CPVL: variants seen among roughly 807,000 people sequenced by gnomAD.
CPVL encodes the protein carboxypeptidase vitellogenic like.
In CPVL, 51 loss-of-function variants were observed where a neutral mutation model predicts 63.7. The observed-to-expected ratio is 0.80, with a 90% CI of 0.64 to 1.01. The LOEUF (loss-of-function observed/expected upper bound fraction) is 1.01. CPVL is among the 50% of genes least tolerant of loss of function. CPVL has a pLI of 0.00. For synonymous variants in CPVL, 195 were observed against 206.0 expected, an observed-to-expected ratio of 0.95 and a Z score of 0.46; for missense variants, 530 against 573.1, an observed-to-expected ratio of 0.92 and a Z score of 0.77.
At chr7:29,022,483 A>C (rs1787099428) in intron 12 of CPVL, among the ~76,000 whole-genome samples, 1 of 152,002 alleles carries the variant, frequency 6.6e-6, no homozygotes, top group Admixed American at 6.5e-5. Context: ...CGCATCACCC[A>C]CATATGCCAT....
intron 12 of CPVL, among the ~76,000 whole-genome samples, chr7:29,016,270 G>A (rs1786401096): frequency 6.6e-6 from 1 of 151,632 alleles, no homozygotes; most frequent in Admixed American, 6.6e-5. Flanking sequence ...AGAATCGCTT[G>A]AACCCAGGAG....
intron 6 of CPVL, among the ~76,000 whole-genome samples, chr7:29,089,587 T>C (rs1785561757): frequency 1.3e-5 from 2 of 152,150 alleles, no homozygotes; most frequent in African/African-American, 4.8e-5. Context: ...GTGGGCCATG[T>C]CAGTTTACCA....
intron 6 of CPVL, among the ~76,000 whole-genome samples, chr7:29,088,122 C>T (rs1391820005): frequency 6.6e-6 from 1 of 152,154 alleles, no homozygotes; most frequent in East Asian, 1.9e-4. Context: ...AGCTTATTTC[C>T]TTGTAGTATT....
chr7:29,164,078 A>G (rs183400695), intron 5 of CPVL, among the ~76,000 whole-genome samples: 1 of 152,330 alleles, frequency 6.6e-6, no homozygotes, highest in Non-Finnish European at 1.5e-5. Context: ...TTCAAGCTAT[A>G]AAATTGTTCT....
intron 11 of CPVL, among the ~76,000 whole-genome samples, chr7:29,039,994 G>GGA (rs1788914905): frequency 6.6e-6 from 1 of 152,062 alleles, no homozygotes; most frequent in Non-Finnish European, 1.5e-5. Context: ...TTGAACAGCA[G>GGA]CCTAAGCTAT....
intron 7 of CPVL, among the ~76,000 whole-genome samples, chr7:29,077,837 C>T (rs977611744): frequency 1.3e-5 from 2 of 152,138 alleles, no homozygotes; most frequent in African/African-American, 4.8e-5. Context: ...AGGAAAGCCA[C>T]AAAACCTGGT....
intron 5 of CPVL, among the ~76,000 whole-genome samples, chr7:29,179,601 T>C (rs1184162732): frequency 6.6e-6 from 1 of 152,258 alleles, no homozygotes; most frequent in African/African-American, 2.4e-5. Context: ...ATTATTTTGC[T>C]ATATATCCTT....
intron 7 of CPVL, among the ~76,000 whole-genome samples, chr7:29,073,036 C>A (rs1336856986): frequency 1.3e-5 from 2 of 152,208 alleles, no homozygotes; most frequent in African/African-American, 4.8e-5. Context: ...GGAAGAGCTA[C>A]TATTGACTCA....
chr7:29,133,129 G>T (rs1790861266), intron 1 of CPVL, among the ~76,000 whole-genome samples: 1 of 150,716 alleles, frequency 6.6e-6, no homozygotes. Flanking sequence ...CCACAGGCTG[G>T]TTCATCTGCT....
chr7:29,036,749 A>T (rs977135740), intron 11 of CPVL, among the ~76,000 whole-genome samples: 2 of 152,228 alleles, frequency 1.3e-5, no homozygotes, highest in Admixed American at 6.5e-5. Flanking sequence ...TGTGGTAAAG[A>T]CTATGGCTTT....
At position 29,195,019 on chromosome 7, in the gene CPVL, C is replaced by A. The variant is rs1451509211; in HGVS notation, c.-448+58G>T. On this transcript the variant is annotated intron_variant, in intron 1 of 16. Coordinates refer to the CPVL transcript ENST00000409850. The stretch of plus-strand genomic sequence containing the variant: ...AGTTTCAGCCCGTCGGGCGCTGCTG[C>A]CGCGCCGGGTCTCGCCCCACTGCCC... 8.2e-6 allele frequency: 13 copies of A among 1,580,096 alleles called. No homozygotes were observed. In the African/African-American group the frequency reaches 1.8e-4, roughly 22 times the overall value.
chr7:29,062,738 C>G (rs1350590338), intron 11 of CPVL, among the ~76,000 whole-genome samples: 1 of 152,132 alleles, frequency 6.6e-6, no homozygotes. Context: ...ATTCAGCATG[C>G]CAGCAAATGG....
chr7:29,034,853 G>GAAAAAAA lies in CPVL; in HGVS notation c.1138-4101_1138-4095dup, dbSNP rs60558791. 1.1e-3 allele frequency among the ~76,000 whole-genome samples: 137 copies of GAAAAAAA among 123,966 alleles called. 1 individual carries two copies. Among genetic ancestry groups the GAAAAAAA allele is most frequent in the African/African-American group, 3.4e-3 (115 of 33,716 alleles). The allele number at this position is 123,966 out of a possible 152,430, so 81.3% of individuals were successfully genotyped here. On this transcript the variant is annotated intron_variant, in intron 11 of 12. Transcript: ENST00000265394. ...CCCAGCCTAGAATGCTTTTATAATG[G>GAAAAAAA]AAAAAAAAAAAAAAAAGAACAATAA... is the stretch of plus-strand genomic sequence containing the variant.
At chr7:29,105,387 C>T (rs1363485449) in intron 3 of CPVL, among the ~76,000 whole-genome samples, 5 of 152,224 alleles carry the variant, frequency 3.3e-5, no homozygotes, top group South Asian at 2.1e-4. Context: ...CATACTTGGC[C>T]GAGTGCCTGG....
chr7:29,004,478 G>A (rs1784974734), intron 12 of CPVL, among the ~76,000 whole-genome samples: 1 of 152,160 alleles, frequency 6.6e-6, no homozygotes, highest in Non-Finnish European at 1.5e-5. Flanking sequence ...TTTCAGCAAG[G>A]TTGGGATGAA....
At chr7:29,191,100 T>C (rs185012218) in intron 1 of CPVL, among the ~76,000 whole-genome samples, 1 of 152,226 alleles carries the variant, frequency 6.6e-6, no homozygotes, top group African/African-American at 2.4e-5. Flanking sequence ...GCCTGGCTAA[T>C]TTATTTTTTA....
Position 29,071,890 on chromosome 7 carries a change from A to G in CPVL, c.747T>C (p.Tyr249=). ...AGCCAATTTGGTACAGGAATTCTGC[A>G]TAGCCCCCTATAATCTGAGGACAAA... The part of the protein sequence containing the change: ...YSDPESIIGG[Y]AEFLYQIGLL... Residue 249 remains tyrosine, a synonymous_variant, in exon 9 of 13, where the codon TAT becomes TAC. Transcript: ENST00000265394. The G allele has an allele frequency of 6.2e-7, 1 of 1,614,172 alleles. No homozygotes were observed. The highest frequency in any genetic ancestry group is 1.1e-5 in the South Asian group (1 of 91,078).
At chr7:29,036,647 A>G (rs552933000) in intron 11 of CPVL, among the ~76,000 whole-genome samples, 2 of 152,332 alleles carry the variant, frequency 1.3e-5, no homozygotes, top group Non-Finnish European at 2.9e-5. Flanking sequence ...AGAGCCATAA[A>G]TTCATGTATT....
chr7:29,064,328 A>AT (rs34641639), intron 10 of CPVL, 94 bp from the exon 11 acceptor site: 589,569 of 704,218 alleles, frequency 0.84, 248,713 homozygotes, highest in South Asian at 0.91. Context: ...AACATACAAC[A>AT]TGGAGAAACG....
Sources: allele counts gnomAD v4.1 joint callset (sites outside exome capture counted in the v4.1 genomes callset), GRCh38; gene constraint gnomAD v4.1.1; transcripts MANE v1.5; gene names NCBI Gene and HGNC (gene_info 2026-07-23, HGNC 2026-07-21).